The following GRID2 variants were observed in gnomAD, a reference collection of about 807,000 sequenced individuals.
The protein encoded by GRID2 is glutamate receptor ionotropic, delta-2.
GRID2 carries 33 observed loss-of-function variants against 114.8 expected under a neutral mutation model. The observed-to-expected ratio is 0.29, with a 90% CI of 0.22 to 0.38. The LOEUF (loss-of-function observed/expected upper bound fraction) is 0.38. Among genes scored for constraint, GRID2 ranks in the 10% least tolerant of loss-of-function variants. The probability of loss-of-function intolerance (pLI) is 1.00; values close to 1 mark genes in which losing one functional copy is unlikely to be tolerated. For synonymous variants in GRID2, 505 were observed against 449.9 expected, an observed-to-expected ratio of 1.12 and a Z score of -1.55; for missense variants, 1,184 against 1,257.7, an observed-to-expected ratio of 0.94 and a Z score of 0.89.
intron 8 of GRID2, among the ~76,000 whole-genome samples, chr4:93,310,048 G>C (rs981999768): frequency 1.3e-4 from 20 of 152,108 alleles, no homozygotes; most frequent in Admixed American, 1.0e-3. Context: ...TATTCCACTA[G>C]AAGGGGGTAA....
chr4:93,110,690 A>C, intron 3 of GRID2, 58 bp from the exon 4 acceptor site: 1 of 1,112,368 alleles, frequency 9.0e-7, no homozygotes. Context: ...GAAATAGCTT[A>C]TGCCTTCCTT....
intron 4 of GRID2, among the ~76,000 whole-genome samples, chr4:93,184,785 G>A (rs1740245103): frequency 6.6e-6 from 1 of 152,156 alleles, no homozygotes; most frequent in African/African-American, 2.4e-5. Context: ...AGGAGGCTGA[G>A]ACAGGAGAAT....
At chr4:92,421,819 G>A (rs189467158) in intron 1 of GRID2, among the ~76,000 whole-genome samples, 2 of 152,178 alleles carry the variant, frequency 1.3e-5, no homozygotes, top group East Asian at 3.9e-4. Flanking sequence ...AAGAACACTG[G>A]GTAGTATAGT....
intron 4 of GRID2, among the ~76,000 whole-genome samples, chr4:93,160,156 A>G (rs1377348810): frequency 6.6e-6 from 1 of 151,798 alleles, no homozygotes; most frequent in Non-Finnish European, 1.5e-5. Context: ...TGTATGGATA[A>G]TTCGTGAGTT....
intron 1 of GRID2, among the ~76,000 whole-genome samples, chr4:92,566,818 G>T (rs1006656801): frequency 6.6e-6 from 1 of 152,032 alleles, no homozygotes; most frequent in South Asian, 2.1e-4. Flanking sequence ...TTCACTCAAA[G>T]TATGACTAGT....
intron 14 of GRID2, among the ~76,000 whole-genome samples, chr4:93,765,498 C>T (rs1733576886): frequency 6.6e-6 from 1 of 151,764 alleles, no homozygotes; most frequent in Non-Finnish European, 1.5e-5. Context: ...CTTCTTTCCC[C>T]TCGATGATCT....
chr4:93,206,768 C>T (rs1277742228), intron 4 of GRID2, among the ~76,000 whole-genome samples: 1 of 152,142 alleles, frequency 6.6e-6, no homozygotes, highest in East Asian at 1.9e-4. Flanking sequence ...TTCTTTTCAT[C>T]TTATTAGCAA....
intron 1 of GRID2, among the ~76,000 whole-genome samples, chr4:92,502,573 T>G (rs766678058): frequency 3.9e-5 from 6 of 152,070 alleles, no homozygotes; most frequent in Non-Finnish European, 8.8e-5. Context: ...TTTATGTAAG[T>G]GTTTTTAAAG....
chr4:92,728,219 C>A (rs977691182), intron 2 of GRID2, among the ~76,000 whole-genome samples: 1 of 152,060 alleles, frequency 6.6e-6, no homozygotes, highest in Non-Finnish European at 1.5e-5. Flanking sequence ...CTACATAACT[C>A]ATTTCCTTCT....
At chr4:92,617,048 G>T (rs963603864) in intron 2 of GRID2, among the ~76,000 whole-genome samples, 2 of 151,116 alleles carry the variant, frequency 1.3e-5, no homozygotes, top group African/African-American at 4.9e-5. Flanking sequence ...TTTATTATTT[G>T]TTTATGTTGG....
intron 13 of GRID2, among the ~76,000 whole-genome samples, chr4:93,562,834 A>G (rs548384757): frequency 9.9e-5 from 15 of 152,078 alleles, no homozygotes; most frequent in African/African-American, 3.6e-4. Context: ...TCAAAGATCA[A>G]ATTACTATAT....
intron 14 of GRID2, among the ~76,000 whole-genome samples, chr4:93,670,642 T>C (rs183360583): frequency 5.6e-4 from 86 of 152,346 alleles, no homozygotes; most frequent in Non-Finnish European, 1.9e-4. Flanking sequence ...CATCAGTGTC[T>C]GCCCCTAGAG....
intron 3 of GRID2, among the ~76,000 whole-genome samples, chr4:93,097,341 A>G (rs1731309966): frequency 6.6e-6 from 1 of 151,886 alleles, no homozygotes. Flanking sequence ...AGGTAAAGGA[A>G]AGGAAAAAGG....
intron 2 of GRID2, among the ~76,000 whole-genome samples, chr4:92,855,418 A>G (rs1744105905): frequency 6.6e-6 from 1 of 152,034 alleles, no homozygotes; most frequent in African/African-American, 2.4e-5. Flanking sequence ...TGCCATATGC[A>G]TGTATATTGT....
intron 2 of GRID2, among the ~76,000 whole-genome samples, chr4:93,054,595 A>T (rs1727049536): frequency 6.6e-6 from 1 of 151,972 alleles, no homozygotes; most frequent in African/African-American, 2.4e-5. Context: ...AGATTCAAAT[A>T]AGTGGCACTC....
chr4:93,356,867 G>C (rs554949070), intron 8 of GRID2, among the ~76,000 whole-genome samples: 1 of 151,592 alleles, frequency 6.6e-6, no homozygotes, highest in Non-Finnish European at 1.5e-5. Context: ...AAGCATTTTG[G>C]AACAGTTTTT....
intron 8 of GRID2, among the ~76,000 whole-genome samples, chr4:93,328,541 A>C (rs1348672777): frequency 1.3e-5 from 2 of 152,160 alleles, no homozygotes; most frequent in Non-Finnish European, 2.9e-5. Context: ...TGAGTCCTTT[A>C]TGACATTTAT....
chr4:93,295,864 A>T (rs1222638991), intron 8 of GRID2, among the ~76,000 whole-genome samples: 1 of 152,216 alleles, frequency 6.6e-6, no homozygotes, highest in Non-Finnish European at 1.5e-5. Flanking sequence ...TAAAGGATAA[A>T]TGGAGGGAAT....
chr4:93,129,302 T>A (rs1299711693), intron 4 of GRID2, among the ~76,000 whole-genome samples: 1 of 152,214 alleles, frequency 6.6e-6, no homozygotes, highest in Non-Finnish European at 1.5e-5. Flanking sequence ...TAGGGTTATT[T>A]ATTTCCTGGC....
Sources: gnomAD v4.1 joint callset for allele counts (sites outside exome capture counted in the v4.1 genomes callset) on GRCh38, gnomAD v4.1.1 for gene constraint, MANE v1.5 for transcripts, NCBI Gene and HGNC (gene_info 2026-07-23, HGNC 2026-07-21) for gene names.